DACH1: variants seen among roughly 807,000 people sequenced by gnomAD.
DACH1 encodes dachshund family transcription factor 1.
In DACH1, 12 loss-of-function variants were observed where a neutral mutation model predicts 54.2. The ratio of observed to expected loss-of-function variants is 0.22; its 90% CI spans 0.14 to 0.36. The LOEUF (loss-of-function observed/expected upper bound fraction) is 0.36, where lower values mean the gene tolerates loss of function less well. Ranked by LOEUF, DACH1 falls within the 10% of genes least tolerant of loss-of-function variation. The probability of loss-of-function intolerance (pLI) is 1.00; values close to 1 mark genes in which losing one functional copy is unlikely to be tolerated. For missense variants in DACH1, 805 were observed against 929.8 expected, an observed-to-expected ratio of 0.87 and a Z score of 1.75; for synonymous variants, 386 against 366.2, an observed-to-expected ratio of 1.05 and a Z score of -0.62.
chr13:71,663,262 T>C (rs1172490536), intron 2 of DACH1, among the ~76,000 whole-genome samples: 1 of 151,756 alleles, frequency 6.6e-6, no homozygotes, highest in East Asian at 1.9e-4. Context: ...TTCAATAACA[T>C]CAATCAGTTA....
chr13:71,528,200 A>T (rs1882139327), intron 6 of DACH1, among the ~76,000 whole-genome samples: 1 of 152,164 alleles, frequency 6.6e-6, no homozygotes, highest in African/African-American at 2.4e-5. Context: ...ATTCATTCAG[A>T]CATAAGGGCA....
intron 2 of DACH1, among the ~76,000 whole-genome samples, chr13:71,669,069 A>C (rs1259139747): frequency 6.6e-6 from 1 of 152,190 alleles, no homozygotes; most frequent in Non-Finnish European, 1.5e-5. Context: ...AACAAAGCAA[A>C]TTATCTGTTT....
intron 1 of DACH1, among the ~76,000 whole-genome samples, chr13:71,718,461 C>G (rs1366348731): frequency 6.6e-6 from 1 of 151,206 alleles, no homozygotes; most frequent in Admixed American, 6.6e-5. Flanking sequence ...GGTGGTGCAC[C>G]TATACTCCCA....
chr13:71,748,322 C>T (rs1884698781), intron 1 of DACH1, among the ~76,000 whole-genome samples: 1 of 152,130 alleles, frequency 6.6e-6, no homozygotes, highest in Non-Finnish European at 1.5e-5. Context: ...TGAGACCATA[C>T]ACTTCAGTTC....
intron 1 of DACH1, among the ~76,000 whole-genome samples, chr13:71,714,437 G>A (rs375141966): frequency 2.6e-5 from 4 of 151,932 alleles, no homozygotes; most frequent in Non-Finnish European, 5.9e-5. Flanking sequence ...AATCCTTTTC[G>A]AAAAGTATCA....
intron 6 of DACH1, among the ~76,000 whole-genome samples, chr13:71,496,312 C>CA (rs1332094983): frequency 2.5e-5 from 3 of 119,032 alleles, no homozygotes; most frequent in African/African-American, 6.6e-5. Context: ...TATATACACA[C>CA]ACAAAAAGAT....
chr13:71,613,684 C>A (rs1362396524), intron 3 of DACH1, among the ~76,000 whole-genome samples: 1 of 152,100 alleles, frequency 6.6e-6, no homozygotes, highest in Non-Finnish European at 1.5e-5. Context: ...ACCTAATTTT[C>A]TAGATTGACT....
intron 2 of DACH1, among the ~76,000 whole-genome samples, chr13:71,631,058 G>A (rs1369202749): frequency 2.6e-5 from 4 of 152,146 alleles, no homozygotes; most frequent in Admixed American, 2.0e-4. Context: ...CCTACACGGA[G>A]GGAAAAATCT....
Position 71,789,703 on chromosome 13 carries a change from A to C in DACH1, c.848+76219T>G, listed in dbSNP as rs1886756436. The stretch of plus-strand genomic sequence containing the variant: ...TGACAGATAGAAGTATATATGAGTG[A>C]GTGATTGTTGTGCAATAAACCTGGG... On this transcript the variant is annotated intron_variant, in intron 1 of 10. Coordinates refer to ENST00000613252, the MANE Select transcript of DACH1 (RefSeq NM_080759.6). 3.3e-5 allele frequency among the ~76,000 whole-genome samples: 5 copies of C among 152,230 alleles called. No homozygotes were observed. In the South Asian group the frequency reaches 1.0e-3, roughly 32 times the overall value.
chr13:71,537,852 T>C (rs193201558), intron 6 of DACH1, among the ~76,000 whole-genome samples: 39 of 152,276 alleles, frequency 2.6e-4, no homozygotes, highest in Middle Eastern at 3.4e-3. Context: ...ATTTTCTGTT[T>C]ACTAGACAAA....
At chr13:71,746,015 C>T (rs1343478839) in intron 1 of DACH1, among the ~76,000 whole-genome samples, 6 of 152,104 alleles carry the variant, frequency 3.9e-5, no homozygotes, top group African/African-American at 4.8e-5. Flanking sequence ...GTCAAGAGAT[C>T]GAGACCATCC....
intron 1 of DACH1, among the ~76,000 whole-genome samples, chr13:71,727,773 T>C (rs933927067): frequency 1.3e-5 from 2 of 152,036 alleles, no homozygotes; most frequent in African/African-American, 4.8e-5. Context: ...ATATTTAATA[T>C]AAAAAATGGA....
intron 2 of DACH1, among the ~76,000 whole-genome samples, chr13:71,662,970 T>C (rs556607206): frequency 5.9e-5 from 9 of 152,106 alleles, no homozygotes; most frequent in African/African-American, 2.2e-4. Flanking sequence ...TCATAAATAT[T>C]TGTTGAATAT....
At chr13:71,443,609 G>A (rs1201049598) in intron 10 of DACH1, among the ~76,000 whole-genome samples, 1 of 152,102 alleles carries the variant, frequency 6.6e-6, no homozygotes, top group African/African-American at 2.4e-5. Context: ...ATTAATCAGT[G>A]AAAACATGTA....
chr13:71,475,244 T>C, intron 9 of DACH1, 35 bp from the exon 10 acceptor site: 1 of 1,532,522 alleles, frequency 6.5e-7, no homozygotes, highest in Non-Finnish European at 9.0e-7. Flanking sequence ...GACACATATT[T>C]CATTTGATTC....
chr13:71,808,892 C>A (rs1391544842), intron 1 of DACH1, among the ~76,000 whole-genome samples: 1 of 152,132 alleles, frequency 6.6e-6, no homozygotes, highest in Non-Finnish European at 1.5e-5. Flanking sequence ...ATTTTAATTG[C>A]AGAACTTAAA....
chr13:71,549,526 C>T (rs1164632080), intron 6 of DACH1, among the ~76,000 whole-genome samples: 7 of 152,008 alleles, frequency 4.6e-5, no homozygotes, highest in African/African-American at 7.2e-5. Flanking sequence ...TGAAAATTAT[C>T]AGTAGATATT....
At chr13:71,515,058 T>G in intron 6 of DACH1, among the ~76,000 whole-genome samples, 1 of 151,950 alleles carries the variant, frequency 6.6e-6, no homozygotes, top group Non-Finnish European at 1.5e-5. Flanking sequence ...TATCACACTT[T>G]GCCTACCTTT....
At chr13:71,738,731 C>CAG (rs1884249487) in intron 1 of DACH1, among the ~76,000 whole-genome samples, 1 of 24,064 alleles carries the variant, frequency 4.2e-5, no homozygotes, top group Non-Finnish European at 1.2e-4. Flanking sequence ...GACTCTGTCT[C>CAG]AAAAAAAAAA....
Sources: gnomAD v4.1 joint callset for allele counts (sites outside exome capture counted in the v4.1 genomes callset) on GRCh38, gnomAD v4.1.1 for gene constraint, MANE v1.5 for transcripts, NCBI Gene and HGNC (gene_info 2026-07-23, HGNC 2026-07-21) for gene names.